RAB19: variants seen among roughly 807,000 people sequenced by gnomAD.
The protein encoded by RAB19 is RAB19, member RAS oncogene family.
RAB19 carries 21 observed loss-of-function variants against 17.3 expected under a neutral mutation model. The ratio of observed to expected loss-of-function variants is 1.21; its 90% confidence interval spans 0.86 to 1.74. The LOEUF (loss-of-function observed/expected upper bound fraction) is 1.74, where lower values mean the gene tolerates loss of function less well. Among genes scored for constraint, RAB19 ranks in the 40% most tolerant of loss-of-function variants. The pLI, the probability that RAB19 is intolerant of heterozygous loss-of-function variation, is 0.00. For synonymous variants in RAB19, 126 were observed against 110.4 expected (o/e 1.14, Z -0.88); for missense variants, 277 against 286.8 (o/e 0.97, Z 0.25).
intron 2 of RAB19, among the ~76,000 whole-genome samples, chr7:140,408,991 CT>C (rs2130092857): frequency 6.6e-6 from 1 of 152,318 alleles, no homozygotes; most frequent in African/African-American, 2.4e-5. Flanking sequence ...AACTCCTGGG[CT>C]CAAACAATCC....
chr7:140,419,985 T>C (rs1585429340), intron 3 of RAB19, among the ~76,000 whole-genome samples: 1 of 152,360 alleles, frequency 6.6e-6, no homozygotes, highest in Non-Finnish European at 1.5e-5. Flanking sequence ...TTGTTATCTT[T>C]TTCTTGTCAA....
Position 140,407,834 on chromosome 7 carries a change from G to A in RAB19, c.188G>A (p.Gly63Asp), listed in dbSNP as rs935164126. 6.2e-7 allele frequency: 1 copy of A among 1,609,880 alleles called. No homozygotes were observed. The change falls in exon 2 of 4, where the codon GGC becomes GAC. Residue 63 changes from glycine (G) to aspartate (D), a missense_variant. Physicochemically the swap from Gly to Asp is moderately conservative, Grantham distance 94. Coordinates refer to ENST00000537763, the MANE Select transcript of RAB19 (RefSeq NM_001008749.3). ...DFTVRSLDIDGKKVKMQVWDT... is the reference protein window; with the variant it reads ...DFTVRSLDIDDKKVKMQVWDT... Reference sequence around the variant, plus strand: ...ACCGTGCGTTCCCTTGATATTGACGGCAAAAAAGTGAAGGTCAGAGGGCAC... The same window carrying A: ...ACCGTGCGTTCCCTTGATATTGACGACAAAAAAGTGAAGGTCAGAGGGCAC...
Position 140,426,599 on chromosome 7 carries a change from G to T in RAB19, c.*449G>T, listed in dbSNP as rs1400917354. 6.6e-6 allele frequency among the ~76,000 whole-genome samples: 1 copy of T among 152,160 alleles called. No individual in the cohort carries two copies. The highest frequency in any genetic ancestry group is 2.4e-5 in the African/African-American group (1 of 41,446). On this transcript the variant is annotated 3_prime_UTR_variant, in exon 4 of 4. Coordinates refer to ENST00000537763, the MANE Select transcript of RAB19 (RefSeq NM_001008749.3). ...CAGTTTGAAACAGCTCAGGCAGGGA[G>T]AATGGAACGAAAGCCTGCAATGAGA...
At chr7:140,418,195 A>G (rs1186399727) in intron 3 of RAB19, among the ~76,000 whole-genome samples, 1 of 152,090 alleles carries the variant, frequency 6.6e-6, no homozygotes, top group Non-Finnish European at 1.5e-5. Flanking sequence ...TAATGTATAT[A>G]AAGAAAAGTA....
intron 3 of RAB19, among the ~76,000 whole-genome samples, chr7:140,415,553 C>G (rs1476015223): frequency 6.6e-6 from 1 of 152,150 alleles, no homozygotes; most frequent in East Asian, 1.9e-4. Context: ...AAAATGTACT[C>G]TGTGTTACAT....
At chr7:140,407,527 C>T (rs1799265481) in intron 1 of RAB19, 97 bp from the exon 2 acceptor site, 1 of 823,042 alleles carries the variant, frequency 1.2e-6, no homozygotes, top group South Asian at 1.6e-5. Flanking sequence ...ATCGTCCTCT[C>T]ACAAGGATGT....
rs1585412579 is a variant in RAB19, at chr7:140,407,592, T to C, written c.-23-32T>C. On this transcript the variant is annotated intron_variant, in intron 1 of 3. Transcript: ENST00000537763. The stretch of plus-strand genomic sequence containing the variant: ...TCTTGTCTTGTACTGGATCCCCAGT[T>C]CCTGGTGCTGAATTCCATCCTTTCT... 3 of 1,553,224 alleles carry C rather than the reference T, an allele frequency of 1.9e-6. No homozygotes were observed. The East Asian group carries it at 6.7e-5, about 35-fold the overall frequency.
chr7:140,424,611 CTCTCTCTCTATATA>C (rs1563075491), intron 3 of RAB19, among the ~76,000 whole-genome samples: 1 of 81,530 alleles, frequency 1.2e-5, no homozygotes, highest in East Asian at 3.5e-4. Context: ...CTCTCTCTCT[CTCTCTCTCTATATA>C]TATATATATA....
At chr7:140,412,315 A>G (rs6464765) in intron 3 of RAB19, among the ~76,000 whole-genome samples, 124,960 of 151,768 alleles carry the variant, frequency 0.82, 51,521 homozygotes, top group South Asian at 0.89. Context: ...AGACAGGCGT[A>G]GTGGTGGGCG....
At chr7:140,418,278 G>A (rs1799495217) in intron 3 of RAB19, among the ~76,000 whole-genome samples, 1 of 151,790 alleles carries the variant, frequency 6.6e-6, no homozygotes, top group African/African-American at 2.4e-5. Context: ...TTGGCCAGGT[G>A]CAGTGGTTCA....
In RAB19 at chr7:140,410,528, T is replaced by G. The variant is rs1035073756; in HGVS notation, c.202-1346T>G. ...TTTTTAGTAGAGACGGGGTTTCACC[T>G]TGTTAGCCAGGATGGTCTCGATCTC... On this transcript the variant is annotated intron_variant, in intron 2 of 3. Transcript: ENST00000537763. Among the ~76,000 whole-genome samples the G allele has an allele frequency of 3.3e-5, 5 of 151,826 alleles. 1 individual carries two copies. The highest frequency in any genetic ancestry group is 7.3e-5 in the African/African-American group (3 of 41,368).
chr7:140,417,506 C>T (rs1157184092), intron 3 of RAB19, among the ~76,000 whole-genome samples: 2 of 152,144 alleles, frequency 1.3e-5, no homozygotes, highest in African/African-American at 2.4e-5. Flanking sequence ...CCTTCTTCCA[C>T]CAGGGACTGT....
In RAB19 at chr7:140,427,372, T is replaced by C. The variant is rs1247353672; in HGVS notation, c.*1222T>C. On this transcript the variant is annotated 3_prime_UTR_variant, in exon 4 of 4. Coordinates refer to ENST00000537763, the MANE Select transcript of RAB19 (RefSeq NM_001008749.3). ...TTTCACTACGTTGGTCAGGCTGGTC[T>C]TGAACTCCTGACCTCATGATCCACC... Among the ~76,000 whole-genome samples the C allele has an allele frequency of 3.3e-5, 5 of 151,470 alleles. No homozygotes were observed. The highest frequency in any genetic ancestry group is 2.0e-4 in the Admixed American group (3 of 15,170).
chr7:140,425,076 A>G (rs1292569669), intron 3 of RAB19, among the ~76,000 whole-genome samples: 3 of 152,092 alleles, frequency 2.0e-5, no homozygotes, highest in East Asian at 3.9e-4. Flanking sequence ...ACTGGAGGCC[A>G]GGAGTTCAAG....
At chr7:140,408,827 C>T (rs973302365) in intron 2 of RAB19, among the ~76,000 whole-genome samples, 7 of 152,120 alleles carry the variant, frequency 4.6e-5, no homozygotes. Context: ...GGCACAATCA[C>T]AGCTCACTCC....
At chr7:140,410,023 A>G (rs2130098611) in intron 2 of RAB19, among the ~76,000 whole-genome samples, 1 of 151,038 alleles carries the variant, frequency 6.6e-6, no homozygotes. Context: ...GATAATAAAT[A>G]AAAATTTAAA....
At chr7:140,419,076 T>G (rs1307481048) in intron 3 of RAB19, among the ~76,000 whole-genome samples, 76 of 148,550 alleles carry the variant, frequency 5.1e-4, no homozygotes, top group Admixed American at 8.7e-4. Context: ...GGTTTGTTTT[T>G]TTTTTTTTTT....
At chr7:140,424,586 C>CCTCTCT (rs376517516) in intron 3 of RAB19, among the ~76,000 whole-genome samples, 56 of 127,552 alleles carry the variant, frequency 4.4e-4, no homozygotes, top group African/African-American at 1.1e-3. Flanking sequence ...TGGACCTCTC[C>CCTCTCT]CTCTCTCTCT....
At chr7:140,418,094 C>G (rs1672001232) in intron 3 of RAB19, among the ~76,000 whole-genome samples, 1 of 152,126 alleles carries the variant, frequency 6.6e-6, no homozygotes, top group Admixed American at 6.6e-5. Context: ...CTTTGGGGAT[C>G]ATTATGATCT....
Sources: allele counts gnomAD v4.1 joint callset (sites outside exome capture counted in the v4.1 genomes callset), GRCh38; gene constraint gnomAD v4.1.1; transcripts MANE v1.5; gene names NCBI Gene and HGNC (gene_info 2026-07-23, HGNC 2026-07-21).